Variants in TBCK observed in about 807,000 individuals in gnomAD.
The protein encoded by TBCK is TBC1 domain containing kinase.
TBCK carries 99 observed loss-of-function variants against 113.4 expected under a neutral mutation model. The ratio of observed to expected loss-of-function variants is 0.87; its 90% CI spans 0.74 to 1.03. The LOEUF (loss-of-function observed/expected upper bound fraction) is 1.03, where lower values mean the gene tolerates loss of function less well. Ranked by LOEUF, TBCK falls within the 50% of genes least tolerant of loss-of-function variation. The probability of loss-of-function intolerance (pLI) is 0.00; values close to 1 mark genes in which losing one functional copy is unlikely to be tolerated. For missense variants in TBCK, 1,045 were observed against 1,061.3 expected (o/e 0.98, Z 0.21); for synonymous variants, 369 against 370.8 (o/e 1.00, Z 0.05).
At chr4:106,226,452 T>G (rs1385515886) in intron 19 of TBCK, among the ~76,000 whole-genome samples, 1 of 152,158 alleles carries the variant, frequency 6.6e-6, no homozygotes, top group South Asian at 2.1e-4. Context: ...ATAAGTCCTG[T>G]TTTTATTGCT....
At chr4:106,090,068 T>C (rs1420870109) in intron 25 of TBCK, among the ~76,000 whole-genome samples, 1 of 152,216 alleles carries the variant, frequency 6.6e-6, no homozygotes, top group African/African-American at 2.4e-5. Flanking sequence ...CTAGTATAGT[T>C]TCTCTGTGGG....
intron 25 of TBCK, among the ~76,000 whole-genome samples, chr4:106,063,095 C>A (rs1193547606): frequency 6.6e-6 from 1 of 151,862 alleles, no homozygotes; most frequent in Admixed American, 6.6e-5. Flanking sequence ...TTACTCCCAA[C>A]TTTTATATGA....
intron 1 of TBCK, among the ~76,000 whole-genome samples, chr4:106,312,891 T>TA (rs964766861): frequency 2.0e-5 from 3 of 152,096 alleles, no homozygotes; most frequent in African/African-American, 7.2e-5. Context: ...ATAGTATTAA[T>TA]AAAAAAATCA....
intron 2 of TBCK, among the ~76,000 whole-genome samples, chr4:106,295,780 A>C (rs1766231497): frequency 6.6e-6 from 1 of 152,162 alleles, no homozygotes; most frequent in Non-Finnish European, 1.5e-5. Flanking sequence ...CTTGACTTGA[A>C]GCCTTATTGA....
intron 1 of TBCK, among the ~76,000 whole-genome samples, chr4:106,309,387 A>G (rs998012792): frequency 7.4e-6 from 1 of 134,670 alleles, no homozygotes; most frequent in Admixed American, 9.1e-5. Context: ...ATCTCCGCGC[A>G]CTGCAACCTC....
chr4:106,116,139 T>C, intron 24 of TBCK, 64 bp downstream of exon 24: 1 of 1,484,276 alleles, frequency 6.7e-7, no homozygotes, highest in Non-Finnish European at 9.1e-7. Context: ...ACACAACACT[T>C]AAATGAAAGG....
intron 23 of TBCK, among the ~76,000 whole-genome samples, chr4:106,132,909 C>T (rs1171815460): frequency 6.6e-6 from 1 of 152,186 alleles, no homozygotes; most frequent in Non-Finnish European, 1.5e-5. Context: ...GGTGTATTTA[C>T]CCAATGCCTG....
intron 22 of TBCK, among the ~76,000 whole-genome samples, chr4:106,187,120 G>A (rs774108177): frequency 5.9e-5 from 9 of 152,020 alleles, no homozygotes; most frequent in Non-Finnish European, 1.2e-4. Flanking sequence ...TACCAGTACC[G>A]TGCTGTTTTG....
upstream of TBCK, chr4:106,316,647 AG>A: frequency 6.5e-7 from 1 of 1,531,560 alleles, no homozygotes; most frequent in Non-Finnish European, 8.8e-7. Flanking sequence ...TTGCGATCGT[AG>A]GGGTCTTCCT....
intron 20 of TBCK, among the ~76,000 whole-genome samples, chr4:106,204,620 A>C (rs1189466386): frequency 6.6e-6 from 1 of 152,182 alleles, no homozygotes; most frequent in African/African-American, 2.4e-5. Flanking sequence ...AAATGGAAGT[A>C]AGTGTAAAGC....
chr4:106,187,573 C>T (rs184572383), intron 22 of TBCK, among the ~76,000 whole-genome samples: 20 of 152,120 alleles, frequency 1.3e-4, no homozygotes, highest in African/African-American at 4.6e-4. Flanking sequence ...CATGCCACCA[C>T]GCCCAACTAA....
intron 25 of TBCK, among the ~76,000 whole-genome samples, chr4:106,069,245 C>T (rs894789654): frequency 7.2e-5 from 11 of 152,044 alleles, no homozygotes; most frequent in Admixed American, 3.3e-4. Context: ...ATGGTATTGC[C>T]CAGGTTTTCT....
chr4:106,148,226 G>A (rs1363204028), intron 23 of TBCK, among the ~76,000 whole-genome samples: 3 of 152,196 alleles, frequency 2.0e-5, no homozygotes, highest in Non-Finnish European at 2.9e-5. Flanking sequence ...CATTTGCCTT[G>A]TGATATTCTA....
chr4:106,125,011 A>AC (rs1421942019), intron 23 of TBCK, among the ~76,000 whole-genome samples: 20 of 152,122 alleles, frequency 1.3e-4, no homozygotes, highest in African/African-American at 4.6e-4. Flanking sequence ...AAAAAAAAAA[A>AC]AAAACACAAT....
intron 20 of TBCK, among the ~76,000 whole-genome samples, chr4:106,209,717 C>G (rs547326291): frequency 6.6e-6 from 1 of 151,958 alleles, no homozygotes; most frequent in African/African-American, 2.4e-5. Context: ...GTTTTGTGTT[C>G]TCTCTTGTAT....
rs1012174869 is a variant in TBCK, at chr4:106,140,718, T to A, written c.2236-24340A>T. Among the ~76,000 whole-genome samples the A allele has an allele frequency of 1.8e-4, 22 of 124,306 alleles. 2 individuals are homozygous for A. The highest frequency in any genetic ancestry group is 2.8e-4 in the African/African-American group (8 of 28,744). 81.5% of individuals were successfully genotyped at this position (124,306 alleles called of 152,430 possible). ...TCATTGTTTTTCAAGTCTAGTTAAA[T>A]TTTTTTTTTTTCTAATTCCCTCTCA... On this transcript the variant is annotated intron_variant, in intron 23 of 25. Coordinates refer to ENST00000394708, the MANE Select transcript of TBCK (RefSeq NM_001163435.3).
chr4:106,056,456 T>C (rs1174946732), intron 25 of TBCK, among the ~76,000 whole-genome samples: 1 of 151,498 alleles, frequency 6.6e-6, no homozygotes, highest in Admixed American at 6.6e-5. Context: ...TATATAAATA[T>C]AGATAGATAG....
At position 106,247,148 on chromosome 4, in the gene TBCK, A is replaced by G. The variant is rs1560902072; in HGVS notation, c.922T>C (p.Leu308=). The G allele has an allele frequency of 6.2e-7, 1 of 1,612,400 alleles. No homozygotes were observed. ...TTTAATTTATCATTACCTTTACACA[A>G]CTGACTGATATCCTCAGGCAGAGTT... ...DLTLPEDISQ[L]CKDINNDYLA... Residue 308 remains leucine, a synonymous_variant, in exon 10 of 26, where the codon TTG becomes CTG. Coordinates refer to ENST00000394708, the MANE Select transcript of TBCK (RefSeq NM_001163435.3).
intron 24 of TBCK, among the ~76,000 whole-genome samples, chr4:106,107,633 A>C (rs1422693263): frequency 6.6e-6 from 1 of 152,216 alleles, no homozygotes; most frequent in East Asian, 1.9e-4. Flanking sequence ...CAGCTAAGGC[A>C]GTGTTAAGAG....
Sources: allele counts gnomAD v4.1 joint callset (sites outside exome capture counted in the v4.1 genomes callset), GRCh38; gene constraint gnomAD v4.1.1; transcripts MANE v1.5; gene names NCBI Gene and HGNC (gene_info 2026-07-23, HGNC 2026-07-21).